Variants in KCNH7 observed in about 807,000 individuals in gnomAD.
KCNH7 encodes the protein voltage-gated inwardly rectifying potassium channel KCNH7.
A neutral mutation model predicts 120.8 loss-of-function variants in KCNH7; 49 were observed. The ratio of observed to expected loss-of-function variants is 0.41; its 90% CI spans 0.32 to 0.51. The LOEUF (loss-of-function observed/expected upper bound fraction) is 0.51. Ranked by LOEUF, KCNH7 falls within the 20% of genes least tolerant of loss-of-function variation. The pLI, the probability that KCNH7 is intolerant of heterozygous loss-of-function variation, is 0.38. For missense variants in KCNH7, 1,097 were observed against 1,446.6 expected (o/e 0.76, Z 3.92); for synonymous variants, 547 against 516.1 (o/e 1.06, Z -0.81).
At chr2:162,432,730 C>A (rs761233256) in intron 8 of KCNH7, among the ~76,000 whole-genome samples, 1 of 151,974 alleles carries the variant, frequency 6.6e-6, no homozygotes, top group South Asian at 2.1e-4. Flanking sequence ...AAACTGGAAG[C>A]ATTCCCATTA....
At chr2:162,394,519 A>G (rs777310226) in intron 11 of KCNH7, 34 bp from the exon 12 acceptor site, 85 of 1,207,656 alleles carry the variant, frequency 7.0e-5, no homozygotes, top group Non-Finnish European at 9.9e-5. Flanking sequence ...AAAATGAAAG[A>G]TTACTGAATT....
At chr2:162,479,128 G>A (rs1689841723) in intron 6 of KCNH7, among the ~76,000 whole-genome samples, 1 of 149,138 alleles carries the variant, frequency 6.7e-6, no homozygotes. Context: ...CTGATAGAAT[G>A]AGGCCCTGTA....
intron 6 of KCNH7, among the ~76,000 whole-genome samples, chr2:162,457,332 A>G (rs1573981248): frequency 6.6e-6 from 1 of 152,098 alleles, no homozygotes; most frequent in Non-Finnish European, 1.5e-5. Context: ...TAAGAGAGAG[A>G]GAAAAAAATA....
Position 162,399,825 on chromosome 2 carries a change from A to G in KCNH7, c.2407+364T>C, listed in dbSNP as rs10210908. 3.3e-3 allele frequency among the ~76,000 whole-genome samples: 506 copies of G among 152,006 alleles called. 2 individuals are homozygous for G. The highest frequency in any genetic ancestry group is 0.012 in the African/African-American group (478 of 41,526). On this transcript the variant is annotated intron_variant, in intron 10 of 15. Coordinates refer to ENST00000332142, the MANE Select transcript of KCNH7 (RefSeq NM_033272.4). ...TGGCACATGCTAGCAAGTATTTCCT[A>G]CAACACATATATTTTATTTTAAGGT...
intron 2 of KCNH7, among the ~76,000 whole-genome samples, chr2:162,660,633 C>T (rs1187886120): frequency 3.3e-5 from 5 of 152,228 alleles, no homozygotes; most frequent in South Asian, 2.1e-4. Flanking sequence ...TTGGTTGATG[C>T]TGCTGTTGAT....
intron 3 of KCNH7, among the ~76,000 whole-genome samples, chr2:162,520,928 C>G (rs1386425606): frequency 6.6e-6 from 1 of 151,862 alleles, no homozygotes; most frequent in Non-Finnish European, 1.5e-5. Context: ...AGAATCCAGT[C>G]ATATGGAATT....
At chr2:162,804,078 G>A (rs1684444984) in intron 2 of KCNH7, among the ~76,000 whole-genome samples, 1 of 151,782 alleles carries the variant, frequency 6.6e-6, no homozygotes, top group Non-Finnish European at 1.5e-5. Flanking sequence ...AAAACATTAA[G>A]TATATCTAAA....
intron 2 of KCNH7, among the ~76,000 whole-genome samples, chr2:162,641,887 A>G (rs1271697386): frequency 6.6e-6 from 1 of 152,070 alleles, no homozygotes; most frequent in Non-Finnish European, 1.5e-5. Flanking sequence ...AAAAAGCTTA[A>G]TTTAAAAATA....
chr2:162,832,838 C>T (rs1193301340), intron 2 of KCNH7, among the ~76,000 whole-genome samples: 1 of 152,102 alleles, frequency 6.6e-6, no homozygotes, highest in Non-Finnish European at 1.5e-5. Flanking sequence ...ACCAAGACCT[C>T]TTCTGAGTTT....
intron 2 of KCNH7, among the ~76,000 whole-genome samples, chr2:162,628,796 T>C (rs1683651778): frequency 6.6e-6 from 1 of 152,112 alleles, no homozygotes; most frequent in Non-Finnish European, 1.5e-5. Flanking sequence ...ATATTTTTAA[T>C]GGCTGGCTAG....
chr2:162,572,664 T>C (rs964332788), intron 2 of KCNH7, among the ~76,000 whole-genome samples: 3 of 125,568 alleles, frequency 2.4e-5, no homozygotes, highest in African/African-American at 9.7e-5. Context: ...CCAACAATGA[T>C]AGACTGGATT....
intron 2 of KCNH7, among the ~76,000 whole-genome samples, chr2:162,687,812 C>A (rs1685950615): frequency 6.6e-6 from 1 of 152,092 alleles, no homozygotes; most frequent in Admixed American, 6.6e-5. Context: ...TTTTGTCTAA[C>A]AAAAGTACAT....
intron 6 of KCNH7, among the ~76,000 whole-genome samples, chr2:162,447,451 T>G (rs150643904): frequency 1.3e-5 from 2 of 152,224 alleles, no homozygotes; most frequent in African/African-American, 4.8e-5. Flanking sequence ...AAGCTGAAAT[T>G]TTGTAATGGC....
intron 7 of KCNH7, among the ~76,000 whole-genome samples, chr2:162,441,483 T>C (rs1267876175): frequency 1.3e-5 from 2 of 152,084 alleles, no homozygotes; most frequent in African/African-American, 4.8e-5. Flanking sequence ...TTTGCTTGTA[T>C]TCAGGATTCA....
chr2:162,741,281 A>C (rs1015164902), intron 2 of KCNH7, among the ~76,000 whole-genome samples: 1 of 149,704 alleles, frequency 6.7e-6, no homozygotes, highest in African/African-American at 2.4e-5. Context: ...ATATGTTATT[A>C]GTTATACATA....
chr2:162,382,412 T>C (rs1176643149), intron 13 of KCNH7, among the ~76,000 whole-genome samples: 1 of 152,050 alleles, frequency 6.6e-6, no homozygotes, highest in Non-Finnish European at 1.5e-5. Flanking sequence ...GTAGACACTT[T>C]CTAAATATAG....
intron 2 of KCNH7, among the ~76,000 whole-genome samples, chr2:162,628,367 A>T (rs1033429851): frequency 6.6e-6 from 1 of 152,134 alleles, no homozygotes; most frequent in African/African-American, 2.4e-5. Flanking sequence ...TTAGTTTCTG[A>T]TGCCTTACCC....
intron 2 of KCNH7, among the ~76,000 whole-genome samples, chr2:162,794,940 A>G (rs1231402811): frequency 6.6e-6 from 1 of 152,070 alleles, no homozygotes; most frequent in East Asian, 1.9e-4. Context: ...GACCTTGAGT[A>G]AAATACATAT....
intron 2 of KCNH7, among the ~76,000 whole-genome samples, chr2:162,752,993 GA>G (rs1301282067): frequency 7.5e-6 from 1 of 133,894 alleles, no homozygotes. Flanking sequence ...GAAAAGAAAA[GA>G]AAAGAAAAGA....
Sources: gnomAD v4.1 joint callset for allele counts (sites outside exome capture counted in the v4.1 genomes callset) on GRCh38, gnomAD v4.1.1 for gene constraint, MANE v1.5 for transcripts, NCBI Gene and HGNC (gene_info 2026-07-23, HGNC 2026-07-21) for gene names.